Variants in FOXJ2 observed in about 807,000 individuals in gnomAD.
FOXJ2 encodes the protein forkhead box J2.
A neutral mutation model predicts 68.4 loss-of-function variants in FOXJ2; 18 were observed. The ratio of observed to expected loss-of-function variants is 0.26; its 90% confidence interval spans 0.18 to 0.39. FOXJ2 has a LOEUF of 0.39. Ranked by LOEUF, FOXJ2 falls within the 10% of genes least tolerant of loss-of-function variation. The probability of loss-of-function intolerance (pLI) is 1.00; values close to 1 mark genes in which losing one functional copy is unlikely to be tolerated. For synonymous variants in FOXJ2, 274 were observed against 263.2 expected (o/e 1.04, Z -0.40); for missense variants, 670 against 726.5 (o/e 0.92, Z 0.89).
chr12:8,044,233 A>T, intron 5 of FOXJ2, 142 bp downstream of exon 5: 1 of 1,067,934 alleles, frequency 9.4e-7, no homozygotes, highest in Non-Finnish European at 1.2e-6. Context: ...AAAAGAGGGA[A>T]ATAGAGAGAG....
Position 8,049,460 on chromosome 12 carries a change from C to CAA in FOXJ2, c.1427_1428insAA (p.Thr477ArgfsTer35). ...TGACTCCCTCAACCACTTCCTTACT[C>CAA]AGACTGGTCACGTGCCCCCTCAAGG... On this transcript the variant is annotated frameshift_variant, in exon 9 of 11. Transcript: ENST00000162391. LOFTEE classifies it high-confidence loss of function. 1 of 1,614,204 alleles carries CAA rather than the reference C, an allele frequency of 6.2e-7. No homozygotes were observed. The highest frequency in any genetic ancestry group is 1.3e-5 in the African/African-American group (1 of 75,056).
chr12:8,044,079 C>T lies in FOXJ2; in HGVS notation c.606C>T (p.Ala202=). ...QMSLQSPTSI[A]SYSQGTGSVD... The stretch of plus-strand genomic sequence containing the variant: ...CACTTCAGAGCCCCACATCTATAGC[C>T]AGCTACAGCCAGGTAGGAAGCAGAT... Residue 202 remains alanine (A), a synonymous_variant, in exon 5 of 11, where the codon GCC becomes GCT. Transcript: ENST00000162391. 6.5e-7 allele frequency: 1 copy of T among 1,538,186 alleles called. No homozygotes were observed. Among genetic ancestry groups the T allele is most frequent in the Non-Finnish European group, 8.7e-7 (1 of 1,145,500 alleles).
Position 8,053,292 on chromosome 12 carries a change from C to T in FOXJ2, c.*442C>T, listed in dbSNP as rs1947149704. 1 of 152,506 alleles carries T rather than the reference C, an allele frequency of 6.6e-6. No individual in the cohort carries two copies. The highest frequency in any genetic ancestry group is 2.4e-5 in the African/African-American group (1 of 41,378). The allele number at this position is 152,506 out of a possible 1,614,324, so 9.4% of individuals were successfully genotyped here. A position where few individuals can be genotyped will look rare whatever the true frequency, so the allele number is the denominator to read the frequency against. ...TTTTGGCCCTAAATTGTTTTTTGTT[C>T]CCATCAGTTTCAGGCCAGGACTGGA... On this transcript the variant is annotated 3_prime_UTR_variant, in exon 11 of 11. Transcript: ENST00000162391. The surrounding 1 kb of genome is among the most constrained non-coding windows in gnomAD (Gnocchi z 4.1).
In FOXJ2 at chr12:8,052,841, G is replaced by A. The variant is rs760529668; in HGVS notation, c.1716G>A (p.Leu572=). 2.9e-5 allele frequency: 46 copies of A among 1,604,528 alleles called. No homozygotes were observed. The highest frequency in any genetic ancestry group is 1.4e-5 in the Non-Finnish European group (17 of 1,174,304). The change falls in exon 11 of 11, where the codon TTG becomes TTA. Residue 572 remains leucine, a synonymous_variant. Transcript: ENST00000162391. ...TCCCTGATGACTTCGACTGGGACTT[G>A]ATCACTTAGTGCATCACAGAGTGTG... The part of the protein sequence containing the change: ...EEIPDDFDWD[L]IT
At chr12:8,042,802 C>A in intron 3 of FOXJ2, 70 bp downstream of exon 3, 1 of 1,272,170 alleles carries the variant, frequency 7.9e-7, no homozygotes, top group Non-Finnish European at 1.1e-6. Context: ...GTCCAGAGTC[C>A]TGTGGCTGTT....
chr12:8,037,610 C>A (rs3782679), intron 1 of FOXJ2, among the ~76,000 whole-genome samples: 47,776 of 152,160 alleles, frequency 0.31, 8,212 homozygotes, highest in Non-Finnish European at 0.39. Context: ...TGAACATCAA[C>A]TGAAGGCCTC....
In FOXJ2 at chr12:8,040,472, G is replaced by C. The variant is rs1046566808; in HGVS notation, c.333+307G>C. ...AGTCTCGTACTGTCGCCTGGGCTGG[G>C]GTGCAATGGCATGATCTCGGCTCAC... is the stretch of plus-strand genomic sequence containing the variant. On this transcript the variant is annotated intron_variant, in intron 2 of 10. Transcript: ENST00000162391. This position sits in a 1 kb window ranked among gnomAD's most constrained non-coding sequence, Gnocchi z 4.0. 6.6e-6 allele frequency among the ~76,000 whole-genome samples: 1 copy of C among 151,596 alleles called. No individual in the cohort carries two copies. Among genetic ancestry groups the C allele is most frequent in the South Asian group, 2.1e-4 (1 of 4,798 alleles).
chr12:8,052,968 G>A lies in FOXJ2; in HGVS notation c.*118G>A, dbSNP rs1243470337. On this transcript the variant is annotated 3_prime_UTR_variant, in exon 11 of 11. Coordinates refer to ENST00000162391, the MANE Select transcript of FOXJ2 (RefSeq NM_018416.3). ...GTATATAGACATATATCCTCTTTTTGTTCTTTCTCTGTCAGAGAAGCCACT... is the reference window on the plus strand; with the variant it reads ...GTATATAGACATATATCCTCTTTTTATTCTTTCTCTGTCAGAGAAGCCACT... 3.3e-6 allele frequency: 2 copies of A among 615,196 alleles called. No homozygotes were observed. The highest frequency in any genetic ancestry group is 5.5e-5 in the South Asian group (2 of 36,100). 38.1% of individuals were successfully genotyped at this position (615,196 alleles called of 1,614,324 possible). A position where few individuals can be genotyped will look rare whatever the true frequency, so the allele number is the denominator to read the frequency against.
At chr12:8,041,605 G>T (rs1459030421) in intron 2 of FOXJ2, among the ~76,000 whole-genome samples, 1 of 151,648 alleles carries the variant, frequency 6.6e-6, no homozygotes, top group Non-Finnish European at 1.5e-5. Flanking sequence ...CTTGAACCTG[G>T]GCTCAAGCAA....
Position 8,034,648 on chromosome 12 carries a change from C to T in FOXJ2, c.-15+815C>T, listed in dbSNP as rs78313185. 6.9e-4 allele frequency among the ~76,000 whole-genome samples: 105 copies of T among 152,296 alleles called. No individual in the cohort carries two copies. In the East Asian group the frequency reaches 0.018, roughly 25 times the overall value. Reference sequence around the variant, plus strand: ...TACGAAGGGAGGAGGGCTGCTGCTCCGCTTCTGTCCAGACTTCCAGTTAAA... The same window carrying T: ...TACGAAGGGAGGAGGGCTGCTGCTCTGCTTCTGTCCAGACTTCCAGTTAAA... On this transcript the variant is annotated intron_variant, in intron 1 of 10. Coordinates refer to ENST00000162391, the MANE Select transcript of FOXJ2 (RefSeq NM_018416.3).
chr12:8,039,742 C>A (rs906194014), intron 1 of FOXJ2, 77 bp from the exon 2 acceptor site: 7 of 1,257,828 alleles, frequency 5.6e-6, no homozygotes, highest in Non-Finnish European at 7.8e-6. Context: ...TAGGAAGAAA[C>A]TCTACTTCCC....
At chr12:8,050,882 TCCCTTCCCCTTCCCTTC>T (rs1565631453) in intron 10 of FOXJ2, among the ~76,000 whole-genome samples, 2 of 75,462 alleles carry the variant, frequency 2.7e-5, no homozygotes, top group Non-Finnish European at 2.6e-5. Context: ...CCCTTCCCCT[TCCCTTCCCCTTCCCTTC>T]CCCTTCCCTT....
chr12:8,052,210 G>C (rs1947134641), intron 10 of FOXJ2, among the ~76,000 whole-genome samples: 1 of 150,138 alleles, frequency 6.7e-6, no homozygotes, highest in African/African-American at 2.5e-5. Flanking sequence ...ATTATCATAT[G>C]TTTTCAGAAG....
rs1946937429 is a variant in FOXJ2, at chr12:8,039,461, T to TTAG, written c.-14-358_-14-357insTAG. 3.3e-5 allele frequency among the ~76,000 whole-genome samples: 5 copies of TTAG among 152,348 alleles called. No individual in the cohort carries two copies. In the South Asian group the frequency reaches 8.3e-4, roughly 25 times the overall value. On this transcript the variant is annotated intron_variant, in intron 1 of 10. Coordinates refer to ENST00000162391, the MANE Select transcript of FOXJ2 (RefSeq NM_018416.3). ...AGAATGGACTTTTAATTTTACCTGC[T>TTAG]ATCTAAGTGGGGTTTTTCTTTTTTC...
chr12:8,054,144 G>C lies in FOXJ2; in HGVS notation c.*1294G>C, dbSNP rs754616685. The C allele has an allele frequency of 6.6e-6, 1 of 152,218 alleles. No homozygotes were observed. The highest frequency in any genetic ancestry group is 2.4e-5 in the African/African-American group (1 of 41,462). The allele number at this position is 152,218 out of a possible 1,614,324, so 9.4% of individuals were successfully genotyped here. Reference sequence around the variant, plus strand: ...TGAAGCTTTTGCAAGTAGGCTTTGAGGGGTGAAGGAGATTGGTGGAGGAGA... The same window carrying C: ...TGAAGCTTTTGCAAGTAGGCTTTGACGGGTGAAGGAGATTGGTGGAGGAGA... On this transcript the variant is annotated 3_prime_UTR_variant, in exon 11 of 11. Transcript: ENST00000162391.
Position 8,039,827 on chromosome 12 carries a change from A to C in FOXJ2, c.-6A>C. ...CTTTGTCTTCTCTGCAGAACCCAGA[A>C]GTACCATGGCTTCTGACCTAGAGAG... On this transcript the variant is annotated 5_prime_UTR_variant, in exon 2 of 11. Coordinates refer to ENST00000162391, the MANE Select transcript of FOXJ2 (RefSeq NM_018416.3). 1 of 1,607,868 alleles carries C rather than the reference A, an allele frequency of 6.2e-7. No individual in the cohort carries two copies. The highest frequency in any genetic ancestry group is 8.5e-7 in the Non-Finnish European group (1 of 1,175,474).
chr12:8,044,923 C>A lies in FOXJ2; in HGVS notation c.782C>A (p.Ser261Tyr). The A allele has an allele frequency of 6.2e-7, 1 of 1,614,230 alleles. No individual in the cohort carries two copies. Among genetic ancestry groups the A allele is most frequent in the Non-Finnish European group, 8.5e-7 (1 of 1,180,030 alleles). The change falls in exon 6 of 11, where the codon TCC (serine) becomes TAC (tyrosine). Residue 261 changes from serine to tyrosine, a missense_variant. Physicochemically the swap from Ser to Tyr is moderately radical, Grantham distance 144. Coordinates refer to ENST00000162391, the MANE Select transcript of FOXJ2 (RefSeq NM_018416.3). ...TGGTCCTTCCGCAACCTCTATAAGTCCATGCTGGAGAAGTCCTCTTCCTCC... is the reference window on the plus strand; with the variant it reads ...TGGTCCTTCCGCAACCTCTATAAGTACATGCTGGAGAAGTCCTCTTCCTCC... ...LSWSFRNLYK[S>Y]MLEKSSSSSQ...
Position 8,048,694 on chromosome 12 carries a change from C to T in FOXJ2, c.1226-3C>T, listed in dbSNP as rs1479666584. 2 of 1,613,348 alleles carry T rather than the reference C, an allele frequency of 1.2e-6. No individual in the cohort carries two copies. The highest frequency in any genetic ancestry group is 1.7e-6 in the Non-Finnish European group (2 of 1,179,326). ...ATTATCCACTTTCCCCTCCTCTTTA[C>T]AGCCTTTCCTTCTGACTGGTGCTCT... On this transcript the variant is annotated splice_polypyrimidine_tract_variant and splice_region_variant and intron_variant, in intron 7 of 10. Transcript: ENST00000162391.
chr12:8,051,502 T>C (rs1451789845), intron 10 of FOXJ2, among the ~76,000 whole-genome samples: 1 of 152,202 alleles, frequency 6.6e-6, no homozygotes, highest in African/African-American at 2.4e-5. Flanking sequence ...AAGATAGCTA[T>C]GTGCAACATT....
Sources: gnomAD v4.1 joint callset for allele counts (sites outside exome capture counted in the v4.1 genomes callset) on GRCh38, gnomAD v4.1.1 for gene constraint, Gnocchi (gnomAD v3.1) non-coding constraint, MANE v1.5 for transcripts, NCBI Gene and HGNC (gene_info 2026-07-23, HGNC 2026-07-21) for gene names.